The following NADK variants were observed in gnomAD, a reference collection of about 807,000 sequenced individuals.
The protein encoded by NADK is NAD kinase, also known as poly(P)/ATP NAD kinase.
In NADK, 22 loss-of-function variants were observed where a neutral mutation model predicts 49.8. The ratio of observed to expected loss-of-function variants is 0.44; its 90% CI spans 0.32 to 0.63. The LOEUF is 0.63. Ranked by LOEUF, NADK falls within the 30% of genes least tolerant of loss-of-function variation. The probability of loss-of-function intolerance (pLI) is 0.06; values close to 1 mark genes in which losing one functional copy is unlikely to be tolerated. For missense variants in NADK, 438 were observed against 609.4 expected (o/e 0.72, Z 2.96); for synonymous variants, 268 against 253.7 (o/e 1.06, Z -0.54).
In NADK at chr1:1,757,162, T is replaced by TCCCCCCAGC; in HGVS notation, c.393+18_393+19insGCTGGGGGG. On this transcript the variant is annotated intron_variant, in intron 4 of 11. Transcript: ENST00000341426. ...ACTCCATGTGCACCCCAGGCCCCCT[T>TCCCCCCAGC]CCCCCCTGCCCCGCGTGCCTCCATG... 3.2e-6 allele frequency: 2 copies of TCCCCCCAGC among 620,770 alleles called. No homozygotes were observed. Among genetic ancestry groups the TCCCCCCAGC allele is most frequent in the Non-Finnish European group, 2.6e-6 (1 of 380,256 alleles). 38.5% of individuals were successfully genotyped at this position (620,770 alleles called of 1,614,324 possible).
Position 1,754,434 on chromosome 1 carries a change from C to A in NADK, c.844-51G>T. 1 of 1,609,340 alleles carries A rather than the reference C, an allele frequency of 6.2e-7. No homozygotes were observed. ...TCAGGGCGGGGGATGCCGCACGGCT[C>A]GCAGACACCCTCCGTCTCACCCAGC... On this transcript the variant is annotated intron_variant, in intron 8 of 11. Transcript: ENST00000341426. This position sits in a 1 kb window ranked among gnomAD's most constrained non-coding sequence, Gnocchi z 4.3.
At chr1:1,756,884 TGAAGA>T in intron 4 of NADK, 1 of 804,836 alleles carries the variant, frequency 1.2e-6, no homozygotes, top group Non-Finnish European at 2.2e-6. Context: ...CCTGCTCTTC[TGAAGA>T]GAAGACACAG....
At chr1:1,763,582 G>T (rs186291658) in intron 2 of NADK, among the ~76,000 whole-genome samples, 82 of 141,006 alleles carry the variant, frequency 5.8e-4, no homozygotes, top group Admixed American at 1.2e-3. Context: ...TCACACCACT[G>T]CACTCCAGCC....
chr1:1,753,461 C>T (rs1645396699), intron 11 of NADK, 106 bp downstream of exon 11: 4 of 878,842 alleles, frequency 4.6e-6, no homozygotes, highest in Non-Finnish European at 7.1e-6. Flanking sequence ...CCCTGTGGTG[C>T]CCTAGGGGAC....
In NADK at chr1:1,756,523, T is replaced by C. The variant is rs771146301; in HGVS notation, c.479A>G (p.Lys160Arg). 5.6e-6 allele frequency: 9 copies of C among 1,614,022 alleles called. No individual in the cohort carries two copies. The highest frequency in any genetic ancestry group is 1.6e-4 in the Middle Eastern group (1 of 6,062). ...CCCACCTTCTCGAAAGGTACAGAAT[T>C]TCTTCTTCACTGCCCCAAAGCTTTC... ...SDESFGAVKK[K>R]FCTFREDYDD... The change falls in exon 5 of 12, where the codon AAA becomes AGA. Residue 160 changes from lysine to arginine, a missense_variant. By Grantham distance (26) the Lys-to-Arg change is conservative. Coordinates refer to ENST00000341426, the MANE Select transcript of NADK (RefSeq NM_023018.5).
At position 1,757,328 on chromosome 1, in the gene NADK, A is replaced by AT; in HGVS notation, c.264-19_264-18insA. On this transcript the variant is annotated intron_variant, in intron 3 of 11. Coordinates refer to ENST00000341426, the MANE Select transcript of NADK (RefSeq NM_023018.5). ...GAATGTGCCTTTAGGGGAGGAGAAAAGAGTTCACACCAGCTGCGATCTCCC... is the reference window on the plus strand; with the variant it reads ...GAATGTGCCTTTAGGGGAGGAGAAAATGAGTTCACACCAGCTGCGATCTCCC... The AT allele has an allele frequency of 6.2e-7, 1 of 1,603,352 alleles. No homozygotes were observed. Among genetic ancestry groups the AT allele is most frequent in the Non-Finnish European group, 8.5e-7 (1 of 1,171,276 alleles).
chr1:1,756,278 A>G lies in NADK; in HGVS notation c.565T>C (p.Tyr189His), dbSNP rs765243431. The G allele has an allele frequency of 6.2e-7, 1 of 1,614,172 alleles. No homozygotes were observed. The highest frequency in any genetic ancestry group is 8.5e-7 in the Non-Finnish European group (1 of 1,180,010). The change falls in exon 6 of 12, where the codon TAC (tyrosine) becomes CAC (histidine). Residue 189 changes from tyrosine to histidine, a missense_variant. Physicochemically the swap from Tyr to His is moderately conservative, Grantham distance 83 (BLOSUM62 2). Coordinates refer to ENST00000341426, the MANE Select transcript of NADK (RefSeq NM_023018.5). ...TTCACCTGGAAAAGCGAGGAAGCGT[A>G]CAGCAGCGTCCCGTCTCCCCCCAGG... ...ICLGGDGTLL[Y>H]ASSLFQGSVP...
intron 11 of NADK, 96 bp downstream of exon 11, chr1:1,753,471 C>T: frequency 1.0e-6 from 1 of 985,648 alleles, no homozygotes; most frequent in Non-Finnish European, 1.5e-6. Flanking sequence ...CCCTAGGGGA[C>T]AAGCTGTGTC....
upstream of NADK, chr1:1,778,784 C>T (rs966744917): frequency 6.6e-6 from 1 of 152,070 alleles, no homozygotes; most frequent in African/African-American, 2.4e-5. This position sits in a 1 kb window ranked among gnomAD's most constrained non-coding sequence, Gnocchi z 4.9. Context: ...CCGCCCGCCA[C>T]GTCTACGCCT....
At chr1:1,757,148 A>ACCCCCCGCC in intron 4 of NADK, 33 bp downstream of exon 4, 3 of 859,194 alleles carry the variant, frequency 3.5e-6, no homozygotes, top group Non-Finnish European at 5.3e-6. Context: ...CTCCATGTGC[A>ACCCCCCGCC]CCCCAGGCCC....
chr1:1,765,690 T>A (rs1271089098), intron 1 of NADK, among the ~76,000 whole-genome samples: 1 of 151,968 alleles, frequency 6.6e-6, no homozygotes, highest in Non-Finnish European at 1.5e-5. Flanking sequence ...GGCGGGCAGA[T>A]CACTTGAGGC....
chr1:1,767,957 G>A (rs1400524944), intron 1 of NADK, among the ~76,000 whole-genome samples: 1 of 152,150 alleles, frequency 6.6e-6, no homozygotes, highest in Non-Finnish European at 1.5e-5. Context: ...CAGATCATCT[G>A]AGGTCAGGAG....
intron 1 of NADK, among the ~76,000 whole-genome samples, chr1:1,765,691 C>G (rs1645865003): frequency 6.6e-6 from 1 of 152,020 alleles, no homozygotes; most frequent in Non-Finnish European, 1.5e-5. Flanking sequence ...GCGGGCAGAT[C>G]ACTTGAGGCC....
rs1310224016 is a variant in NADK at position 1,752,944 on chromosome 1, G to A, written c.1301C>T (p.Ala434Val). Reference sequence around the variant, plus strand: ...CTCCTCCTCCTCCTCCTCGAAGTGGGCTTGCTTCTTCCGGACGTTCCAATG... The same window carrying A: ...CTCCTCCTCCTCCTCCTCGAAGTGGACTTGCTTCTTCCGGACGTTCCAATG... ...CLHWNVRKKQ[A>V]HFEEEEEEEE... The change falls in exon 12 of 12, where the codon GCC becomes GTC. Residue 434 changes from alanine to valine, a missense_variant. Ala to Val is a moderately conservative substitution (Grantham distance 64, BLOSUM62 0). Coordinates refer to ENST00000341426, the MANE Select transcript of NADK (RefSeq NM_023018.5). 1.3e-5 allele frequency: 20 copies of A among 1,598,958 alleles called. No individual in the cohort carries two copies. Among genetic ancestry groups the A allele is most frequent in the Admixed American group, 8.9e-5 (5 of 56,496 alleles).
chr1:1,757,562 C>A (rs891479105), intron 3 of NADK, among the ~76,000 whole-genome samples: 8 of 152,002 alleles, frequency 5.3e-5, no homozygotes, highest in African/African-American at 1.7e-4. Context: ...ACAACCCCCA[C>A]CCGGGCACCA....
At chr1:1,759,322 C>T (rs1485772545) in intron 3 of NADK, 2 of 1,445,868 alleles carry the variant, frequency 1.4e-6, no homozygotes, top group South Asian at 1.4e-5. Flanking sequence ...TGGCGTGAAG[C>T]TTGCAGGCAC....
At chr1:1,763,027 C>T (rs767378359) in intron 2 of NADK, among the ~76,000 whole-genome samples, 3 of 152,368 alleles carry the variant, frequency 2.0e-5, no homozygotes, top group East Asian at 1.9e-4. Context: ...GGCCAGGCAA[C>T]GGCCCAACAA....
chr1:1,753,529 G>C (rs1383908540), intron 11 of NADK, 38 bp downstream of exon 11: 1 of 1,577,008 alleles, frequency 6.3e-7, no homozygotes, highest in African/African-American at 1.3e-5. Context: ...CGGGGAGGAG[G>C]TTGGCAGGCA....
Position 1,754,141 on chromosome 1 carries a change from G to C in NADK, c.1011C>G (p.His337Gln). Residue 337 changes from histidine (H) to glutamine (Q), a missense_variant, in exon 10 of 12, where the codon CAC (histidine) becomes CAG (glutamine). His to Gln is a conservative substitution (Grantham distance 24, BLOSUM62 0). Transcript: ENST00000341426. This position sits in a 1 kb window ranked among gnomAD's most constrained non-coding sequence, Gnocchi z 4.3. ...TGATCATGATGGCCGGCACGTTGGGGTGGATCATGGAGGCCCCGGCCGCGG... is the reference window on the plus strand; with the variant it reads ...TGATCATGATGGCCGGCACGTTGGGCTGGATCATGGAGGCCCCGGCCGCGG... Reference protein sequence around the residue: ...YAAAAGASMIHPNVPAIMITP... With the variant: ...YAAAAGASMIQPNVPAIMITP... 6.2e-7 allele frequency: 1 copy of C among 1,612,124 alleles called. No homozygotes were observed. Among genetic ancestry groups the C allele is most frequent in the Non-Finnish European group, 8.5e-7 (1 of 1,179,518 alleles).
Sources: gnomAD v4.1 joint callset for allele counts (sites outside exome capture counted in the v4.1 genomes callset) on GRCh38, gnomAD v4.1.1 for gene constraint, Gnocchi (gnomAD v3.1) non-coding constraint, MANE v1.5 for transcripts, NCBI Gene and HGNC (gene_info 2026-07-23, HGNC 2026-07-21) for gene names.